CCNY: variants seen among roughly 807,000 people sequenced by gnomAD.
CCNY encodes cyclin Y.
CCNY carries 19 observed loss-of-function variants against 42.8 expected under a neutral mutation model. The ratio of observed to expected loss-of-function variants is 0.44; its 90% confidence interval spans 0.31 to 0.65. The LOEUF is 0.65. Among genes scored for constraint, CCNY ranks in the 30% least tolerant of loss-of-function variants. The pLI is 0.07. For synonymous variants in CCNY, 165 were observed against 162.7 expected (o/e 1.01, Z -0.11); for missense variants, 370 against 437.3 (o/e 0.85, Z 1.37).
In CCNY at chr10:35,336,610, C is replaced by G. The variant is rs549246646; in HGVS notation, c.-444C>G. Among the ~76,000 whole-genome samples the G allele has an allele frequency of 2.0e-5, 3 of 148,492 alleles. No homozygotes were observed. The highest frequency in any genetic ancestry group is 7.3e-5 in the African/African-American group (3 of 41,128). On this transcript the variant is annotated 5_prime_UTR_variant, in exon 1 of 10. Transcript: ENST00000374704. Reference sequence around the variant, plus strand: ...GGCTAGTCCCGCCGTCCGGCGCGGACACGCGTGCCCCCGGCTTGAACCGGA... The same window carrying G: ...GGCTAGTCCCGCCGTCCGGCGCGGAGACGCGTGCCCCCGGCTTGAACCGGA...
intron 1 of CCNY, among the ~76,000 whole-genome samples, chr10:35,441,234 A>G (rs1027787375): frequency 6.6e-6 from 1 of 152,202 alleles, no homozygotes; most frequent in Non-Finnish European, 1.5e-5. Context: ...GCCAAGAACA[A>G]GTTGGCCTTT....
rs887282238 is a variant in CCNY, at chr10:35,572,034, A to G, written c.*2864A>G. Reference sequence around the variant, plus strand: ...TTAAAACCAAATTGGAGGGCAGATGAGAAATCCTGCCAAGATCGGGATGTG... The same window carrying G: ...TTAAAACCAAATTGGAGGGCAGATGGGAAATCCTGCCAAGATCGGGATGTG... On this transcript the variant is annotated 3_prime_UTR_variant, in exon 10 of 10. Coordinates refer to ENST00000374704, the MANE Select transcript of CCNY (RefSeq NM_145012.6). 6.6e-6 allele frequency: 1 copy of G among 152,044 alleles called. No individual in the cohort carries two copies. Among genetic ancestry groups the G allele is most frequent in the African/African-American group, 2.4e-5 (1 of 41,402 alleles). 9.4% of individuals were successfully genotyped at this position (152,044 alleles called of 1,614,324 possible).
intron 3 of CCNY, among the ~76,000 whole-genome samples, chr10:35,328,228 G>A (rs757575777): frequency 2.6e-5 from 4 of 152,140 alleles, no homozygotes; most frequent in Non-Finnish European, 4.4e-5. Flanking sequence ...AGTGAGGGGG[G>A]CACTCGCTTT....
intron 3 of CCNY, among the ~76,000 whole-genome samples, chr10:35,309,907 T>C (rs1223983724): frequency 6.6e-6 from 1 of 151,084 alleles, no homozygotes; most frequent in Non-Finnish European, 1.5e-5. Flanking sequence ...TTCACGCCAT[T>C]CTCCTGCCTC....
chr10:35,330,853 T>C (rs1391874756), intron 3 of CCNY, among the ~76,000 whole-genome samples: 3 of 150,818 alleles, frequency 2.0e-5, no homozygotes, highest in Non-Finnish European at 4.4e-5. Flanking sequence ...ACCTCCTGGG[T>C]TCAAGCAGTT....
chr10:35,516,419 A>AT, intron 3 of CCNY, 104 bp from the exon 4 acceptor site: 1 of 750,382 alleles, frequency 1.3e-6, no homozygotes, highest in Non-Finnish European at 2.3e-6. Context: ...TTGCTAAGAC[A>AT]TTTTTCCTCT....
chr10:35,519,807 A>G (rs1287407018), intron 4 of CCNY, among the ~76,000 whole-genome samples: 3 of 95,624 alleles, frequency 3.1e-5, no homozygotes, highest in African/African-American at 1.4e-4. Flanking sequence ...TTTTTGAGAC[A>G]GGATCTCTGT....
chr10:35,364,123 A>G (rs1197829603), intron 1 of CCNY, among the ~76,000 whole-genome samples: 3 of 152,070 alleles, frequency 2.0e-5, no homozygotes, highest in Non-Finnish European at 2.9e-5. Flanking sequence ...TGATGGAAGG[A>G]TCTGGATTAA....
At chr10:35,497,475 C>T (rs771100064) in intron 2 of CCNY, among the ~76,000 whole-genome samples, 4 of 152,104 alleles carry the variant, frequency 2.6e-5, no homozygotes, top group African/African-American at 7.2e-5. Flanking sequence ...TGGTGGTTCA[C>T]GCCTGTAATC....
chr10:35,345,544 A>C (rs1229119912), intron 1 of CCNY, among the ~76,000 whole-genome samples: 1 of 152,168 alleles, frequency 6.6e-6, no homozygotes, highest in Non-Finnish European at 1.5e-5. Context: ...AAAATGCTTA[A>C]AAAGCCACAA....
In CCNY at chr10:35,336,939, G is replaced by T. The variant is rs1467379258; in HGVS notation, c.-115G>T. The T allele has an allele frequency of 4.1e-6, 3 of 730,546 alleles. No individual in the cohort carries two copies. Among genetic ancestry groups the T allele is most frequent in the Non-Finnish European group, 5.3e-6 (3 of 570,490 alleles). 45.3% of individuals were successfully genotyped at this position (730,546 alleles called of 1,614,324 possible). ...CGCCGTTCCGCCCCCTCCCGTGGCG[G>T]CGAGCGGGCGGGCCTCCCCACACGC... On this transcript the variant is annotated 5_prime_UTR_variant, in exon 1 of 10. Transcript: ENST00000374704.
At chr10:35,338,770 A>G (rs1015597908) in intron 1 of CCNY, among the ~76,000 whole-genome samples, 3 of 152,238 alleles carry the variant, frequency 2.0e-5, no homozygotes, top group Admixed American at 2.0e-4. Flanking sequence ...TGCAGTATCT[A>G]GCGGAGGCTT....
At chr10:35,565,953 A>T in intron 8 of CCNY, 70 bp from the exon 9 acceptor site, 1 of 1,498,898 alleles carries the variant, frequency 6.7e-7, no homozygotes, top group Non-Finnish European at 9.0e-7. Flanking sequence ...GTCTCCAGCA[A>T]CTTGCCTTGG....
At chr10:35,307,015 C>G (rs557880552) in intron 3 of CCNY, among the ~76,000 whole-genome samples, 1 of 152,250 alleles carries the variant, frequency 6.6e-6, no homozygotes, top group African/African-American at 2.4e-5. Flanking sequence ...GTCCCGCACC[C>G]TAGGAAGCAG....
intron 7 of CCNY, among the ~76,000 whole-genome samples, chr10:35,551,788 T>C (rs1841263175): frequency 6.6e-6 from 1 of 152,346 alleles, no homozygotes; most frequent in South Asian, 2.1e-4. Context: ...TTTTAATGAT[T>C]TAAAAATAGG....
rs187219322 is a variant in CCNY, at chr10:35,457,855, C to T, written c.155-25549C>T. On this transcript the variant is annotated intron_variant, in intron 1 of 9. Coordinates refer to ENST00000374704, the MANE Select transcript of CCNY (RefSeq NM_145012.6). ...TCGGCCTCTCAAAGTGCTGGGATTA[C>T]AGGCGTGAGCCACCATGCCCAGCCC... Among the ~76,000 whole-genome samples, 1,132 of 152,336 alleles carry T rather than the reference C, an allele frequency of 7.4e-3. 7 individuals are homozygous for T. Among genetic ancestry groups the T allele is most frequent in the Non-Finnish European group, 0.013 (881 of 68,030 alleles).
intron 3 of CCNY, among the ~76,000 whole-genome samples, chr10:35,513,577 A>G (rs1253515540): frequency 6.6e-6 from 1 of 152,182 alleles, no homozygotes; most frequent in African/African-American, 2.4e-5. Context: ...GTGCTTTACA[A>G]ATACTAATTC....
chr10:35,352,056 T>A (rs1435548493), intron 1 of CCNY, among the ~76,000 whole-genome samples: 1 of 152,242 alleles, frequency 6.6e-6, no homozygotes, highest in Non-Finnish European at 1.5e-5. Context: ...TATGATATTT[T>A]CGCCTTCAGT....
intron 7 of CCNY, among the ~76,000 whole-genome samples, chr10:35,541,093 A>G (rs576508576): frequency 6.6e-6 from 1 of 151,252 alleles, no homozygotes; most frequent in Admixed American, 6.6e-5. Flanking sequence ...TAATGTGGAA[A>G]GTTAGGTTAT....
Sources: allele counts gnomAD v4.1 joint callset (sites outside exome capture counted in the v4.1 genomes callset), GRCh38; gene constraint gnomAD v4.1.1; transcripts MANE v1.5; gene names NCBI Gene and HGNC (gene_info 2026-07-23, HGNC 2026-07-21).